CCNYL1: variants seen among roughly 807,000 people sequenced by gnomAD.
CCNYL1 encodes the protein cyclin-Y-like protein 1.
CCNYL1 carries 16 observed loss-of-function variants against 44.2 expected under a neutral mutation model. That is an observed-to-expected ratio of 0.36 (90% CI 0.25 to 0.55). The LOEUF (loss-of-function observed/expected upper bound fraction) is 0.55, where lower values mean the gene tolerates loss of function less well. Ranked by LOEUF, CCNYL1 falls within the 20% of genes least tolerant of loss-of-function variation. CCNYL1 has a pLI of 0.85. For synonymous variants in CCNYL1, 159 were observed against 163.2 expected (o/e 0.97, Z 0.20); for missense variants, 348 against 451.8 (o/e 0.77, Z 2.08).
At position 207,751,016 on chromosome 2, in the gene CCNYL1, G is replaced by C; in HGVS notation, c.866G>C (p.Ser289Thr). The C allele has an allele frequency of 6.2e-7, 1 of 1,614,056 alleles. No individual in the cohort carries two copies. The highest frequency in any genetic ancestry group is 8.5e-7 in the Non-Finnish European group (1 of 1,179,928). Reference protein sequence around the residue: ...LLQFNINVPASVYAKYYFDLR... With the variant: ...LLQFNINVPATVYAKYYFDLR... ...CAGTTTAATATTAATGTTCCTGCCA[G>C]TGTTTATGCCAAATACTACTTTGAC... The change falls in exon 9 of 10, where the codon AGT becomes ACT. Residue 289 changes from serine (S) to threonine (T), a missense_variant. Ser to Thr is a moderately conservative substitution (Grantham distance 58, BLOSUM62 1). This residue lies in a region of CCNYL1 where 94 missense variants were observed against 102.4 expected (regional missense o/e 0.92). Transcript: ENST00000295414.
At chr2:207,753,246 G>A (rs1015662325) in intron 9 of CCNYL1, among the ~76,000 whole-genome samples, 3 of 152,114 alleles carry the variant, frequency 2.0e-5, no homozygotes, top group Non-Finnish European at 2.9e-5. Context: ...ACAAGTGTAC[G>A]TTTGTTATAT....
At chr2:207,750,661 G>A (rs938645957) in intron 8 of CCNYL1, 3 of 264,380 alleles carry the variant, frequency 1.1e-5, no homozygotes, top group Non-Finnish European at 2.1e-5. Context: ...TGAGCGTGAA[G>A]TATGAATTGT....
At chr2:207,748,491 C>A (rs2091870929) in intron 8 of CCNYL1, among the ~76,000 whole-genome samples, 1 of 152,166 alleles carries the variant, frequency 6.6e-6, no homozygotes, top group South Asian at 2.1e-4. Context: ...GCTTGGTAGG[C>A]AGGCTGAGCC....
chr2:207,714,220 A>G (rs2091575143), intron 1 of CCNYL1: 2 of 377,358 alleles, frequency 5.3e-6, no homozygotes, highest in South Asian at 2.1e-5. Flanking sequence ...TATTTTACCC[A>G]TAAAATAGTC....
chr2:207,737,710 T>C (rs966020829), intron 5 of CCNYL1, among the ~76,000 whole-genome samples: 1 of 152,092 alleles, frequency 6.6e-6, no homozygotes, highest in Non-Finnish European at 1.5e-5. Flanking sequence ...AAAAACCCTA[T>C]ATTTAGTTTC....
chr2:207,728,261 C>CT (rs571559698), intron 3 of CCNYL1, among the ~76,000 whole-genome samples: 4,022 of 140,826 alleles, frequency 0.029, 125 homozygotes, highest in African/African-American at 0.084. Context: ...TGCACCTGGC[C>CT]TTTTTTTTTT....
At chr2:207,720,458 G>T (rs867231182) in intron 1 of CCNYL1, among the ~76,000 whole-genome samples, 1 of 151,498 alleles carries the variant, frequency 6.6e-6, no homozygotes, top group Non-Finnish European at 1.5e-5. Context: ...GCCCAGGCTG[G>T]AGCACAGTAG....
chr2:207,737,500 T>C, intron 5 of CCNYL1, 54 bp downstream of exon 5: 3 of 1,391,580 alleles, frequency 2.2e-6, no homozygotes, highest in South Asian at 2.4e-5. Context: ...TTGCATGATA[T>C]CAAGTTCAGT....
intron 8 of CCNYL1, among the ~76,000 whole-genome samples, chr2:207,748,185 GT>G (rs1404765664): frequency 6.6e-6 from 1 of 152,166 alleles, no homozygotes; most frequent in Non-Finnish European, 1.5e-5. Flanking sequence ...CATTAGGAGT[GT>G]TTTTTGTATT....
Position 207,737,105 on chromosome 2 carries a change from C to T in CCNYL1, c.432-306C>T, listed in dbSNP as rs182220041. ...TAATTTTTTGTATTTTTAGTAGAGA[C>T]GGGGTTTCACCGTGTTAGCCAGGAT... is the stretch of plus-strand genomic sequence containing the variant. On this transcript the variant is annotated intron_variant, in intron 4 of 9. Transcript: ENST00000295414. 4.6e-3 allele frequency among the ~76,000 whole-genome samples: 699 copies of T among 152,110 alleles called. 8 individuals carry two copies. The highest frequency in any genetic ancestry group is 0.016 in the African/African-American group (662 of 41,510).
chr2:207,754,365 T>C lies in CCNYL1; in HGVS notation c.*667T>C, dbSNP rs182587278. The C allele has an allele frequency of 7.9e-5, 12 of 152,800 alleles. No individual in the cohort carries two copies. The highest frequency in any genetic ancestry group is 2.6e-4 in the African/African-American group (11 of 41,586). The allele number at this position is 152,800 out of a possible 1,614,324, so 9.5% of individuals were successfully genotyped here. On this transcript the variant is annotated 3_prime_UTR_variant, in exon 10 of 10. Coordinates refer to ENST00000295414, the MANE Select transcript of CCNYL1 (RefSeq NM_001330218.2). ...ACAGAGGAAGTATCAGTTATTGATA[T>C]CTACTTCTATTGGAGTCCATGTTGC... is the stretch of plus-strand genomic sequence containing the variant.
intron 7 of CCNYL1, among the ~76,000 whole-genome samples, chr2:207,744,228 T>TGTGTG (rs139169285): frequency 6.7e-6 from 1 of 150,228 alleles, no homozygotes; most frequent in African/African-American, 2.5e-5. Context: ...CAGGAACATT[T>TGTGTG]TGTGTGTGTG....
At chr2:207,737,281 G>A in intron 4 of CCNYL1, 130 bp from the exon 5 acceptor site, 4 of 699,272 alleles carry the variant, frequency 5.7e-6, no homozygotes, top group Non-Finnish European at 7.6e-6. Context: ...GTACCCATAT[G>A]GTACTGTTCT....
At chr2:207,737,732 G>A (rs1300761665) in intron 5 of CCNYL1, among the ~76,000 whole-genome samples, 3 of 151,894 alleles carry the variant, frequency 2.0e-5, no homozygotes, top group Non-Finnish European at 2.9e-5. Flanking sequence ...GTTTCTCAAC[G>A]TTGGCACTGT....
intron 1 of CCNYL1, among the ~76,000 whole-genome samples, chr2:207,715,569 A>G (rs2091587322): frequency 6.7e-6 from 1 of 150,122 alleles, no homozygotes; most frequent in Non-Finnish European, 1.5e-5. Context: ...TAGTAGAGAC[A>G]GGGTTTCAGT....
At chr2:207,720,207 A>AG (rs2091630140) in intron 1 of CCNYL1, among the ~76,000 whole-genome samples, 1 of 151,370 alleles carries the variant, frequency 6.6e-6, no homozygotes, top group Non-Finnish European at 1.5e-5. Context: ...AAAAAAAAAA[A>AG]AAGGCTTGGT....
At chr2:207,731,011 T>C (rs1256094027) in intron 3 of CCNYL1, among the ~76,000 whole-genome samples, 1 of 152,188 alleles carries the variant, frequency 6.6e-6, no homozygotes, top group East Asian at 1.9e-4. Flanking sequence ...CCAGACATTT[T>C]TTAGTTATAA....
At chr2:207,734,072 G>A (rs758129104) in intron 4 of CCNYL1, 25 bp downstream of exon 4, 7 of 1,459,020 alleles carry the variant, frequency 4.8e-6, no homozygotes, top group Admixed American at 1.7e-5. Flanking sequence ...GCTGCCAAGG[G>A]CTGAGTGACA....
intron 1 of CCNYL1, among the ~76,000 whole-genome samples, chr2:207,716,290 C>G (rs369276732): frequency 2.0e-5 from 3 of 151,324 alleles, no homozygotes; most frequent in African/African-American, 7.3e-5. Flanking sequence ...GTGGAAAAAC[C>G]TCTGAGCAAC....
Sources: allele counts gnomAD v4.1 joint callset (sites outside exome capture counted in the v4.1 genomes callset), GRCh38; gene constraint gnomAD v4.1.1; regional missense constraint gnomAD v4.1.1; transcripts MANE v1.5; gene names NCBI Gene and HGNC (gene_info 2026-07-23, HGNC 2026-07-21).